The following LOC400499 variants were observed in gnomAD, a reference collection of about 807,000 sequenced individuals.
chr16:11,500,429 T>A, the LOC400499 span, among the ~76,000 whole-genome samples: 1 of 151,978 alleles, frequency 6.6e-6, no homozygotes, highest in East Asian at 1.9e-4. Flanking sequence ...AAGAATTGCT[T>A]GAACCCAGGA....
chr16:11,373,384 AC>A, the LOC400499 span, among the ~76,000 whole-genome samples: 1 of 152,172 alleles, frequency 6.6e-6, no homozygotes, highest in Non-Finnish European at 1.5e-5. Context: ...TCGCGCTATC[AC>A]CCAGGCTGGA....
chr16:11,415,813 G>C, the LOC400499 span, among the ~76,000 whole-genome samples: 23 of 152,038 alleles, frequency 1.5e-4, no homozygotes, highest in Admixed American at 1.5e-3. Context: ...ATCCAGAATG[G>C]CCTCCCCTCA....
chr16:11,519,912 A>T, the LOC400499 span, among the ~76,000 whole-genome samples: 1 of 152,114 alleles, frequency 6.6e-6, no homozygotes, highest in Non-Finnish European at 1.5e-5. Context: ...CATGTTGGTC[A>T]GGCTGGTCTC....
the LOC400499 span, among the ~76,000 whole-genome samples, chr16:11,388,078 T>A: frequency 6.6e-6 from 1 of 152,122 alleles, no homozygotes; most frequent in African/African-American, 2.4e-5. Flanking sequence ...CTGTTGTTGA[T>A]GGGCCAGTAG....
At chr16:11,439,451 G>A in the LOC400499 span, 1 of 398,970 alleles carries the variant, frequency 2.5e-6, no homozygotes. Flanking sequence ...CCCTTGGCAG[G>A]CGAGTCAAGG....
chr16:11,401,350 G>C, the LOC400499 span: 3 of 399,452 alleles, frequency 7.5e-6, no homozygotes, highest in Non-Finnish European at 1.3e-5. Flanking sequence ...GGTGAGCCAG[G>C]GCCAGGCGGG....
At chr16:11,446,484 A>T in the LOC400499 span, 1 of 1,407,378 alleles carries the variant, frequency 7.1e-7, no homozygotes, top group Admixed American at 2.0e-5. Flanking sequence ...AATCCTATTG[A>T]GCGATGACAG....
the LOC400499 span, among the ~76,000 whole-genome samples, chr16:11,519,429 CT>C: frequency 6.6e-6 from 1 of 152,018 alleles, no homozygotes; most frequent in Non-Finnish European, 1.5e-5. Context: ...CCCTAAATAA[CT>C]GATTTCACTG....
chr16:11,480,441 G>A, the LOC400499 span, among the ~76,000 whole-genome samples: 20 of 152,198 alleles, frequency 1.3e-4, no homozygotes, highest in Admixed American at 2.6e-4. Context: ...TGCCCCAACC[G>A]TCTACCTTGG....
chr16:11,444,621 T>G, the LOC400499 span, among the ~76,000 whole-genome samples: 1 of 152,214 alleles, frequency 6.6e-6, no homozygotes, highest in Non-Finnish European at 1.5e-5. Context: ...CAGAAAAGTT[T>G]GTTGACCTCT....
chr16:11,438,313 G>A, the LOC400499 span, among the ~76,000 whole-genome samples: 7 of 152,258 alleles, frequency 4.6e-5, no homozygotes, highest in Admixed American at 1.3e-4. Context: ...CTAGTGAAAC[G>A]GTGACCTGTG....
At chr16:11,450,712 G>A in the LOC400499 span, 2 of 1,536,008 alleles carry the variant, frequency 1.3e-6, no homozygotes, top group Admixed American at 2.0e-5. Flanking sequence ...TAGGGTCCAG[G>A]CCTTGCCCAG....
the LOC400499 span, among the ~76,000 whole-genome samples, chr16:11,504,275 G>A: frequency 6.6e-6 from 1 of 152,186 alleles, no homozygotes; most frequent in Non-Finnish European, 1.5e-5. Context: ...CAAGTCCAGG[G>A]CCTGGCGCGG....
the LOC400499 span, among the ~76,000 whole-genome samples, chr16:11,500,486 G>C: frequency 7.9e-5 from 11 of 139,814 alleles, no homozygotes; most frequent in South Asian, 1.2e-3. Context: ...ACTCCAGCTT[G>C]GGCGACAGAG....
At chr16:11,380,092 A>C in the LOC400499 span, among the ~76,000 whole-genome samples, 3 of 152,178 alleles carry the variant, frequency 2.0e-5, no homozygotes, top group African/African-American at 7.2e-5. Context: ...CTACAAGTGC[A>C]TGCCACCACC....
the LOC400499 span, among the ~76,000 whole-genome samples, chr16:11,439,749 T>C: frequency 6.6e-6 from 1 of 152,066 alleles, no homozygotes; most frequent in African/African-American, 2.4e-5. Flanking sequence ...CAGGCTGTGC[T>C]ACTGAAAAAG....
chr16:11,484,297 A>G, the LOC400499 span, among the ~76,000 whole-genome samples: 1 of 151,842 alleles, frequency 6.6e-6, no homozygotes, highest in Admixed American at 6.6e-5. Context: ...GTGAGCCACT[A>G]CGCCCGGCCG....
the LOC400499 span, among the ~76,000 whole-genome samples, chr16:11,525,593 G>A: frequency 4.3e-4 from 65 of 152,196 alleles, no homozygotes; most frequent in African/African-American, 9.9e-4. Flanking sequence ...ATATGTGTGC[G>A]TAATCATTAC....
At chr16:11,430,582 T>C in the LOC400499 span, among the ~76,000 whole-genome samples, 7 of 152,104 alleles carry the variant, frequency 4.6e-5, no homozygotes, top group African/African-American at 1.7e-4. Flanking sequence ...TACATACATA[T>C]AGAGAGAATA....
Sources: allele counts gnomAD v4.1 joint callset (sites outside exome capture counted in the v4.1 genomes callset), GRCh38; gene constraint gnomAD v4.1.1; transcripts MANE v1.5.